Variants in PLOD3 observed in about 807,000 individuals in gnomAD.
PLOD3 encodes procollagen-lysine,2-oxoglutarate 5-dioxygenase 3.
A neutral mutation model predicts 96.9 loss-of-function variants in PLOD3; 73 were observed. The observed-to-expected ratio is 0.75, with a 90% CI of 0.62 to 0.92. The LOEUF (loss-of-function observed/expected upper bound fraction) is 0.92, where lower values mean the gene tolerates loss of function less well. Ranked by LOEUF, PLOD3 falls within the 40% of genes least tolerant of loss-of-function variation. PLOD3 has a pLI of 0.00. For missense variants in PLOD3, 1,004 were observed against 1,004.3 expected (o/e 1.00, Z 0.00); for synonymous variants, 454 against 413.7 (o/e 1.10, Z -1.18).
rs752232997 is a variant in PLOD3 at position 101,212,327 on chromosome 7, C to T, written c.1053G>A (p.Gln351=). The part of the protein sequence containing the change: ...PHIADSWPQL[Q]DHFSAVKLVG... ...CGAGCTTCACAGCTGAGAAGTGGTCCTGGAGCTGCGGCCAGGAGTCAGCGA... is the reference window on the plus strand; with the variant it reads ...CGAGCTTCACAGCTGAGAAGTGGTCTTGGAGCTGCGGCCAGGAGTCAGCGA... Residue 351 remains glutamine, a synonymous_variant, in exon 10 of 19, where the codon CAG becomes CAA. Coordinates refer to ENST00000223127, the MANE Select transcript of PLOD3 (RefSeq NM_001084.5). 2 of 1,613,946 alleles carry T rather than the reference C, an allele frequency of 1.2e-6. No individual in the cohort carries two copies. The highest frequency in any genetic ancestry group is 1.7e-6 in the Non-Finnish European group (2 of 1,179,984).
Position 101,212,273 on chromosome 7 carries a change from G to T in PLOD3, c.1107C>A (p.Gly369=). The T allele has an allele frequency of 1.2e-6, 2 of 1,613,290 alleles. No individual in the cohort carries two copies. The highest frequency in any genetic ancestry group is 1.7e-6 in the Non-Finnish European group (2 of 1,179,974). ...CTCACATGGCCATGTCCCTGGCCTC[G>T]CCTGGGCTCAGAGCCTCCTCCGGCC... ...LVGPEEALSP[G]EARDMAMDLC... is the part of the protein sequence containing the mutation. The change falls in exon 10 of 19, where the codon GGC becomes GGA. Residue 369 remains glycine, a synonymous_variant. Coordinates refer to ENST00000223127, the MANE Select transcript of PLOD3 (RefSeq NM_001084.5).
Position 101,213,092 on chromosome 7 carries a change from G to A in PLOD3, c.777+15C>T, listed in dbSNP as rs1798212892. 3 of 1,579,328 alleles carry A rather than the reference G, an allele frequency of 1.9e-6. No homozygotes were observed. Among genetic ancestry groups the A allele is most frequent in the Non-Finnish European group, 2.6e-6 (3 of 1,149,144 alleles). Reference sequence around the variant, plus strand: ...TGGGGCAGGGCGGGGCGGGGGTTGAGACCACTGGTGGCACCTTAGTGGGAC... The same window carrying A: ...TGGGGCAGGGCGGGGCGGGGGTTGAAACCACTGGTGGCACCTTAGTGGGAC... On this transcript the variant is annotated intron_variant, in intron 7 of 18. Transcript: ENST00000223127.
chr7:101,211,293 C>A, intron 12 of PLOD3: 1 of 334,460 alleles, frequency 3.0e-6, no homozygotes, highest in Non-Finnish European at 5.6e-6. Context: ...GATTCTCCCA[C>A]CTCAGCCTCC....
intron 12 of PLOD3, 30 bp from the exon 13 acceptor site, chr7:101,210,703 G>A: frequency 6.2e-7 from 1 of 1,612,234 alleles, no homozygotes; most frequent in Non-Finnish European, 8.5e-7. Context: ...GGTCAGCTGG[G>A]AGGACAGCCC....
intron 3 of PLOD3, 34 bp downstream of exon 3, chr7:101,216,376 T>A (rs756547226): frequency 8.1e-6 from 13 of 1,613,808 alleles, no homozygotes; most frequent in African/African-American, 2.7e-5. Flanking sequence ...AACCTCAGCA[T>A]CCTTACCCCG....
In PLOD3 at chr7:101,212,553, C is replaced by T. The variant is rs146795873; in HGVS notation, c.982G>A (p.Val328Ile). 6.2e-7 allele frequency: 1 copy of T among 1,613,754 alleles called. No homozygotes were observed. The highest frequency in any genetic ancestry group is 1.7e-5 in the Admixed American group (1 of 59,966). ...ACGTTGTTGTGCAGGAAAAGGGTGACCCTGTCGGGGGGATAGTCCAGGAGT... is the reference window on the plus strand; with the variant it reads ...ACGTTGTTGTGCAGGAAAAGGGTGATCCTGTCGGGGGGATAGTCCAGGAGT... ...LLLLDYPPDRVTLFLHNNEVF... is the reference protein window; with the variant it reads ...LLLLDYPPDRITLFLHNNEVF... Residue 328 changes from valine (V) to isoleucine (I), a missense_variant, in exon 9 of 19, where the codon GTC (valine) becomes ATC (isoleucine). Around this residue, in one of 5 missense-constraint regions of PLOD3, gnomAD observed 690 missense variants for 650.2 expected, o/e 1.06. Coordinates refer to ENST00000223127, the MANE Select transcript of PLOD3 (RefSeq NM_001084.5).
intron 16 of PLOD3, among the ~76,000 whole-genome samples, chr7:101,208,054 G>A (rs962245890): frequency 2.6e-5 from 4 of 152,160 alleles, no homozygotes; most frequent in African/African-American, 9.7e-5. Flanking sequence ...ACCGGCATGA[G>A]GCATTCCTGC....
rs1798077332 is a variant in PLOD3 at position 101,206,118 on chromosome 7, AGGGCCGTGTCTT to A, written c.*151_*162del. On this transcript the variant is annotated 3_prime_UTR_variant, in exon 19 of 19. Transcript: ENST00000223127. ...GCGGGGACTCCGGGAGCTTCCTGAGAGGGCCGTGTCTTGGGAGCAAGGTGACATATTCAGTTC... is the reference window on the plus strand; with the variant it reads ...GCGGGGACTCCGGGAGCTTCCTGAGAGGGAGCAAGGTGACATATTCAGTTC... The A allele has an allele frequency of 2.5e-6, 2 of 806,104 alleles. No individual in the cohort carries two copies. Among genetic ancestry groups the A allele is most frequent in the Admixed American group, 3.7e-5 (2 of 54,216 alleles). The allele number at this position is 806,104 out of a possible 1,614,324, so 49.9% of individuals were successfully genotyped here.
intron 17 of PLOD3, 103 bp from the exon 18 acceptor site, chr7:101,207,007 C>T (rs1798097161): frequency 7.4e-7 from 1 of 1,360,538 alleles, no homozygotes; most frequent in African/African-American, 1.4e-5. Context: ...CTCTGTCACT[C>T]AGGCTGGAGT....
At chr7:101,214,705 C>A (rs955227163) in intron 6 of PLOD3, among the ~76,000 whole-genome samples, 1 of 152,014 alleles carries the variant, frequency 6.6e-6, no homozygotes, top group Non-Finnish European at 1.5e-5. Context: ...GGCGTGGTGG[C>A]GCATGCCTGT....
rs893342232 is a variant in PLOD3, at chr7:101,207,686, G to A, written c.1827C>T (p.Thr609=). 1.4e-5 allele frequency: 22 copies of A among 1,613,814 alleles called. No homozygotes were observed. The highest frequency in any genetic ancestry group is 2.2e-5 in the East Asian group (1 of 44,864). The change falls in exon 17 of 19, where the codon ACC becomes ACT. Residue 609 remains threonine (T), a synonymous_variant. Transcript: ENST00000223127. The part of the protein sequence containing the change: ...RLAGGYENVP[T]VDIHMKQVGY... ...CCACCTGCTTCATGTGGATGTCCAC[G>A]GTGGGCACATTCTCGTAGCCTCCAG... is the stretch of plus-strand genomic sequence containing the variant.
At chr7:101,207,834 C>T in intron 16 of PLOD3, 110 bp from the exon 17 acceptor site, 1 of 1,177,670 alleles carries the variant, frequency 8.5e-7, no homozygotes, top group Non-Finnish European at 1.2e-6. Flanking sequence ...CTGTGTTCCT[C>T]TGTGCAGAAC....
Position 101,206,005 on chromosome 7 carries a change from G to T in PLOD3, c.*276C>A. On this transcript the variant is annotated 3_prime_UTR_variant, in exon 19 of 19. Coordinates refer to ENST00000223127, the MANE Select transcript of PLOD3 (RefSeq NM_001084.5). ...AGACTTACAAACTGTCCTTTATTCA[G>T]AGTGAGACTGCGGAACATTAATAAT... 1 of 549,150 alleles carries T rather than the reference G, an allele frequency of 1.8e-6. No individual in the cohort carries two copies. Among genetic ancestry groups the T allele is most frequent in the Non-Finnish European group, 3.3e-6 (1 of 305,152 alleles). 34.0% of individuals were successfully genotyped at this position (549,150 alleles called of 1,614,324 possible). A position where few individuals can be genotyped will look rare whatever the true frequency, so the allele number is the denominator to read the frequency against.
In PLOD3 at chr7:101,216,719, C is replaced by T. The variant is rs768437729; in HGVS notation, c.177G>A (p.Ala59=). 2 of 1,613,778 alleles carry T rather than the reference C, an allele frequency of 1.2e-6. No individual in the cohort carries two copies. The highest frequency in any genetic ancestry group is 1.7e-6 in the Non-Finnish European group (2 of 1,179,856). The change falls in exon 2 of 19, where the codon GCG becomes GCA. Residue 59 remains alanine, a synonymous_variant. Coordinates refer to ENST00000223127, the MANE Select transcript of PLOD3 (RefSeq NM_001084.5). ...CCCGCACAGTGTAGTTGAAGAACTC[C>T]GCAGAGCGCAGGAAACGCAGGTACC... ...TEGYLRFLRS[A]EFFNYTVRTL... is the part of the protein sequence containing the mutation.
chr7:101,214,122 C>T (rs189591146), intron 6 of PLOD3, among the ~76,000 whole-genome samples: 99 of 148,400 alleles, frequency 6.7e-4, no homozygotes, highest in African/African-American at 2.3e-3. Flanking sequence ...TGTGAGCTGT[C>T]GCACCTGGCC....
intron 16 of PLOD3, 97 bp from the exon 17 acceptor site, chr7:101,207,821 C>T: frequency 7.6e-7 from 1 of 1,322,354 alleles, no homozygotes; most frequent in Non-Finnish European, 1.1e-6. Flanking sequence ...CCAGCCTTCA[C>T]ACCTGTGTTC....
intron 17 of PLOD3, 148 bp from the exon 18 acceptor site, chr7:101,207,052 T>C (rs1798098252): frequency 1.1e-6 from 1 of 922,690 alleles, no homozygotes; most frequent in South Asian, 1.7e-5. Context: ...CTTGGCTCAC[T>C]GCAACCTCTG....
chr7:101,207,039 G>T (rs539170835), intron 17 of PLOD3, 135 bp from the exon 18 acceptor site: 1 of 1,085,396 alleles, frequency 9.2e-7, no homozygotes, highest in African/African-American at 1.6e-5. Context: ...ATCTTGGCTC[G>T]ATCTTGGCTC....
intron 5 of PLOD3, among the ~76,000 whole-genome samples, chr7:101,215,449 G>T (rs1414493658): frequency 6.6e-6 from 1 of 152,160 alleles, no homozygotes; most frequent in East Asian, 1.9e-4. Context: ...CCAATCTCAG[G>T]TGATCCACCC....
Sources: gnomAD v4.1 joint callset for allele counts (sites outside exome capture counted in the v4.1 genomes callset) on GRCh38, gnomAD v4.1.1 for gene constraint, gnomAD v4.1.1 regional missense constraint, MANE v1.5 for transcripts, NCBI Gene and HGNC (gene_info 2026-07-23, HGNC 2026-07-21) for gene names.